Variants in FBH1 observed in about 807,000 individuals in gnomAD.
The protein encoded by FBH1 is DNA 3'-5' helicase 1.
Under a neutral mutation model 115.5 loss-of-function variants are expected in FBH1, and 43 were observed. The observed-to-expected ratio is 0.37, with a 90% CI of 0.29 to 0.48. The LOEUF (loss-of-function observed/expected upper bound fraction) is 0.48, where lower values mean the gene tolerates loss of function less well. Among genes scored for constraint, FBH1 ranks in the 20% least tolerant of loss-of-function variants. The probability of loss-of-function intolerance (pLI) is 0.99; values close to 1 mark genes in which losing one functional copy is unlikely to be tolerated. For missense variants in FBH1, 1,001 were observed against 1,337.3 expected, an observed-to-expected ratio of 0.75 and a Z score of 3.92; for synonymous variants, 524 against 507.8, an observed-to-expected ratio of 1.03 and a Z score of -0.43.
Position 5,924,367 on chromosome 10 carries a change from A to G in FBH1, c.2455A>G (p.Ser819Gly), listed in dbSNP as rs199605113. Residue 819 changes from serine to glycine, a missense_variant, in exon 17 of 21, where the codon AGT becomes GGT. This residue lies in a region of FBH1 where 521 missense variants were observed against 811.0 expected (regional missense o/e 0.64). Transcript: ENST00000362091. The surrounding 1 kb of genome is among the most constrained non-coding windows in gnomAD (Gnocchi z 6.2). The part of the protein sequence containing the change: ...IRRWVHKEGF[S>G]GFKRYVTAAE... ...AAGATGGGTGCACAAAGAAGGCTTT[A>G]GTGGCTTCAAGAGGTATGTGACCGC... 3.7e-6 allele frequency: 6 copies of G among 1,614,238 alleles called. No individual in the cohort carries two copies. In the African/African-American group the frequency reaches 5.3e-5, roughly 14 times the overall value.
intron 1 of FBH1, among the ~76,000 whole-genome samples, chr10:5,899,003 ACTT>A (rs1843173377): frequency 6.6e-6 from 1 of 152,194 alleles, no homozygotes; most frequent in Non-Finnish European, 1.5e-5. Context: ...ATTCTTACAT[ACTT>A]CACAAAAAAC....
In FBH1 at chr10:5,918,352, C is replaced by T. The variant is rs975585367; in HGVS notation, c.1974C>T (p.Asn658=). 4 of 1,612,682 alleles carry T rather than the reference C, an allele frequency of 2.5e-6. No homozygotes were observed. The highest frequency in any genetic ancestry group is 3.4e-6 in the Non-Finnish European group (4 of 1,179,722). ...TCTCGTTGGTTACAGCTATCATGAA[C>T]ATAGTTCTGTCTCAGCCATGTGGGA... The part of the protein sequence containing the change: ...EAQDCTPAIM[N]IVLSQPCGKI... The change falls in exon 13 of 21, where the codon AAC becomes AAT. Residue 658 remains asparagine (N), a synonymous_variant. Coordinates refer to ENST00000362091, the MANE Select transcript of FBH1 (RefSeq NM_178150.3). The surrounding 1 kb of genome is among the most constrained non-coding windows in gnomAD (Gnocchi z 4.0).
chr10:5,921,265 G>A lies in FBH1; in HGVS notation c.2108G>A (p.Arg703Gln). 2.5e-6 allele frequency: 4 copies of A among 1,614,070 alleles called. No homozygotes were observed. Among genetic ancestry groups the A allele is most frequent in the Non-Finnish European group, 2.5e-6 (3 of 1,179,976 alleles). ...CTGTCTTGTTGTTTTCAGAGTTTTC[G>A]GTTTGGTGTGGAAATAGCTTATGTG... ...THVFYLTQSF[R>Q]FGVEIAYVGA... The change falls in exon 14 of 21, where the codon CGG becomes CAG. Residue 703 changes from arginine to glutamine, a missense_variant. Around this residue, in one of 4 missense-constraint regions of FBH1, gnomAD observed 521 missense variants for 811.0 expected, o/e 0.64. Transcript: ENST00000362091. This position sits in a 1 kb window ranked among gnomAD's most constrained non-coding sequence, Gnocchi z 6.4.
intron 19 of FBH1, among the ~76,000 whole-genome samples, chr10:5,929,146 ACAGTGGG>A (rs1832826704): frequency 6.6e-6 from 1 of 152,226 alleles, no homozygotes; most frequent in East Asian, 1.9e-4. Flanking sequence ...CTGGGGCATA[ACAGTGGG>A]CAGGGAAATT....
At position 5,926,009 on chromosome 10, in the gene FBH1, G is replaced by A. The variant is rs558872517; in HGVS notation, c.2722+517G>A. 2.0e-5 allele frequency among the ~76,000 whole-genome samples: 3 copies of A among 152,264 alleles called. No homozygotes were observed. In the South Asian group the frequency reaches 6.2e-4, roughly 32 times the overall value. Reference sequence around the variant, plus strand: ...TGGTCTCAAAGTCTTAGGCTCAAGCGATCCTCCCACTTCAGCTTCCCAAAG... The same window carrying A: ...TGGTCTCAAAGTCTTAGGCTCAAGCAATCCTCCCACTTCAGCTTCCCAAAG... On this transcript the variant is annotated intron_variant, in intron 18 of 20. Coordinates refer to ENST00000362091, the MANE Select transcript of FBH1 (RefSeq NM_178150.3).
At position 5,923,491 on chromosome 10, in the gene FBH1, T is replaced by A; in HGVS notation, c.2323-130T>A. 4.2e-6 allele frequency: 3 copies of A among 706,272 alleles called. No homozygotes were observed. Among genetic ancestry groups the A allele is most frequent in the Non-Finnish European group, 7.0e-6 (3 of 430,904 alleles). 43.8% of individuals were successfully genotyped at this position (706,272 alleles called of 1,614,324 possible). A position where few individuals can be genotyped will look rare whatever the true frequency, so the allele number is the denominator to read the frequency against. Reference sequence around the variant, plus strand: ...GCTTTGGGTGTCACTCAAGATCCATTTCCAAGAAACCATCTCATTTCAAAA... The same window carrying A: ...GCTTTGGGTGTCACTCAAGATCCATATCCAAGAAACCATCTCATTTCAAAA... On this transcript the variant is annotated intron_variant, in intron 15 of 20. Transcript: ENST00000362091. The surrounding 1 kb of genome is among the most constrained non-coding windows in gnomAD (Gnocchi z 5.7).
chr10:5,930,549 C>T (rs1378756718), intron 19 of FBH1, among the ~76,000 whole-genome samples: 1 of 152,214 alleles, frequency 6.6e-6, no homozygotes, highest in Non-Finnish European at 1.5e-5. Flanking sequence ...GCAGGCGTGC[C>T]CCATGGGAGG....
rs1832323676 is a variant in FBH1 at position 5,921,664 on chromosome 10, A to T, written c.2322+95A>T. On this transcript the variant is annotated intron_variant, in intron 15 of 20. Coordinates refer to ENST00000362091, the MANE Select transcript of FBH1 (RefSeq NM_178150.3). The surrounding 1 kb of genome is among the most constrained non-coding windows in gnomAD (Gnocchi z 6.4). ...TTCACCTTCCTTGGGATTATCATGC[A>T]AGAAAGCATTTGGGTTTTTGACTCT... The T allele has an allele frequency of 6.6e-7, 1 of 1,526,284 alleles. No individual in the cohort carries two copies. Among genetic ancestry groups the T allele is most frequent in the East Asian group, 2.4e-5 (1 of 42,076 alleles). The allele number at this position is 1,526,284 out of a possible 1,614,324, so 94.5% of individuals were successfully genotyped here.
At chr10:5,908,730 C>T (rs949316990) in intron 3 of FBH1, among the ~76,000 whole-genome samples, 195 bp from the exon 4 acceptor site, 2 of 152,062 alleles carry the variant, frequency 1.3e-5, no homozygotes, top group African/African-American at 2.4e-5. Flanking sequence ...CCTCAGCTTC[C>T]TGAGTAGCTG....
At chr10:5,898,312 T>C (rs916826870) in intron 1 of FBH1, among the ~76,000 whole-genome samples, 14 of 152,194 alleles carry the variant, frequency 9.2e-5, no homozygotes, top group Non-Finnish European at 2.1e-4. Context: ...CCTCACATGG[T>C]GGCAGGAGTA....
chr10:5,926,970 T>C (rs147397511), intron 18 of FBH1, among the ~76,000 whole-genome samples: 5 of 152,344 alleles, frequency 3.3e-5, no homozygotes, highest in Non-Finnish European at 7.3e-5. Context: ...CTTTTCCAGA[T>C]GGGACTCTGG....
In FBH1 at chr10:5,900,961, G is replaced by C. The variant is rs1261712811; in HGVS notation, c.2-2059G>C. On this transcript the variant is annotated intron_variant, in intron 1 of 20. Coordinates refer to ENST00000362091, the MANE Select transcript of FBH1 (RefSeq NM_178150.3). This position sits in a 1 kb window ranked among gnomAD's most constrained non-coding sequence, Gnocchi z 4.2. Reference sequence around the variant, plus strand: ...AAGATACAAAAGTTAGCTGGGTGTGGTGGAGGGGGCCTGTAGTCCCAGCTA... The same window carrying C: ...AAGATACAAAAGTTAGCTGGGTGTGCTGGAGGGGGCCTGTAGTCCCAGCTA... Among the ~76,000 whole-genome samples the C allele has an allele frequency of 6.6e-6, 1 of 152,136 alleles. No homozygotes were observed. Among genetic ancestry groups the C allele is most frequent in the Non-Finnish European group, 1.5e-5 (1 of 68,026 alleles).
chr10:5,913,596 A>G lies in FBH1; in HGVS notation c.1212-151A>G. 1.8e-6 allele frequency: 1 copy of G among 553,542 alleles called. No individual in the cohort carries two copies. Among genetic ancestry groups the G allele is most frequent in the Non-Finnish European group, 3.1e-6 (1 of 324,378 alleles). 34.3% of individuals were successfully genotyped at this position (553,542 alleles called of 1,614,324 possible). The stretch of plus-strand genomic sequence containing the variant: ...AGAATGCTTTGCCAGCCATAGATAT[A>G]TTTAAATCCTTTTCTTTCTTTTTTC... On this transcript the variant is annotated intron_variant, in intron 6 of 20. Transcript: ENST00000362091. This position sits in a 1 kb window ranked among gnomAD's most constrained non-coding sequence, Gnocchi z 4.4.
At chr10:5,890,596 C>G (rs1842648950) in intron 1 of FBH1, among the ~76,000 whole-genome samples, 1 of 150,950 alleles carries the variant, frequency 6.6e-6, no homozygotes, top group Admixed American at 6.6e-5. Context: ...GAGCGGCCCC[C>G]GCGCTGCCCC....
rs1295368037 is a variant in FBH1, at chr10:5,924,534, T to G, written c.2596+26T>G. 1.2e-6 allele frequency: 2 copies of G among 1,609,200 alleles called. No individual in the cohort carries two copies. The highest frequency in any genetic ancestry group is 1.7e-6 in the Non-Finnish European group (2 of 1,176,194). On this transcript the variant is annotated intron_variant, in intron 17 of 20. Coordinates refer to ENST00000362091, the MANE Select transcript of FBH1 (RefSeq NM_178150.3). This position sits in a 1 kb window ranked among gnomAD's most constrained non-coding sequence, Gnocchi z 6.2. ...GTAAGGGAAGCAGTTGGTTTTTACCTTCCCCCTAAGAGGAGGAACAGATGG... is the reference window on the plus strand; with the variant it reads ...GTAAGGGAAGCAGTTGGTTTTTACCGTCCCCCTAAGAGGAGGAACAGATGG...
At position 5,906,177 on chromosome 10, in the gene FBH1, A is replaced by T. The variant is rs762254424; in HGVS notation, c.298A>T (p.Ser100Cys). The T allele has an allele frequency of 8.1e-6, 13 of 1,613,984 alleles. No individual in the cohort carries two copies. Among genetic ancestry groups the T allele is most frequent in the Admixed American group, 6.7e-5 (4 of 60,006 alleles). Residue 100 changes from serine to cysteine, a missense_variant, in exon 3 of 21, where the codon AGC becomes TGC. Ser to Cys is a moderately radical substitution (Grantham distance 112). This residue lies in a region of FBH1 where 420 missense variants were observed against 430.4 expected (regional missense o/e 0.98). Coordinates refer to ENST00000362091, the MANE Select transcript of FBH1 (RefSeq NM_178150.3). The surrounding 1 kb of genome is among the most constrained non-coding windows in gnomAD (Gnocchi z 7.3). ...TGACATGATCTTTCCTGCAGAGAGCAGCTGTGCACTGCCTCAGGAAGGCAG... is the reference window on the plus strand; with the variant it reads ...TGACATGATCTTTCCTGCAGAGAGCTGCTGTGCACTGCCTCAGGAAGGCAG... Reference protein sequence around the residue: ...EGDMIFPAESSCALPQEGSAG... With the variant: ...EGDMIFPAESCCALPQEGSAG...
Position 5,919,834 on chromosome 10 carries a change from T to G in FBH1, c.2100+1356T>G, listed in dbSNP as rs184925024. On this transcript the variant is annotated intron_variant, in intron 13 of 20. Transcript: ENST00000362091. ...TGATTTGTTCTTTTAATAGATGGTATTTTTTTAGAACAGTTTCAGATTTAC... is the reference window on the plus strand; with the variant it reads ...TGATTTGTTCTTTTAATAGATGGTAGTTTTTTAGAACAGTTTCAGATTTAC... Among the ~76,000 whole-genome samples, 734 of 152,290 alleles carry G rather than the reference T, an allele frequency of 4.8e-3. 8 individuals are homozygous for G. The highest frequency in any genetic ancestry group is 9.0e-3 in the Admixed American group (138 of 15,286).
chr10:5,891,278 A>G (rs1195285167), intron 1 of FBH1, among the ~76,000 whole-genome samples: 1 of 152,230 alleles, frequency 6.6e-6, no homozygotes, highest in Non-Finnish European at 1.5e-5. Context: ...GGTTAAGGTA[A>G]CAGTGATGTG....
At chr10:5,902,003 G>A (rs1469686313) in intron 1 of FBH1, among the ~76,000 whole-genome samples, 1 of 152,258 alleles carries the variant, frequency 6.6e-6, no homozygotes, top group African/African-American at 2.4e-5. Flanking sequence ...CCTGAAAGAA[G>A]ATGAGTAATA....
Sources: allele counts gnomAD v4.1 joint callset (sites outside exome capture counted in the v4.1 genomes callset), GRCh38; gene constraint gnomAD v4.1.1; regional missense constraint gnomAD v4.1.1; non-coding constraint Gnocchi (gnomAD v3.1); transcripts MANE v1.5; gene names NCBI Gene and HGNC (gene_info 2026-07-23, HGNC 2026-07-21).